Variants in ZNF723 observed in about 807,000 individuals in gnomAD.
The protein encoded by ZNF723 is zinc finger protein 723, also known as zinc finger protein 723, pseudogene.
ZNF723 carries 5 observed loss-of-function variants against 9.4 expected under a neutral mutation model. The ratio of observed to expected loss-of-function variants is 0.53; its 90% confidence interval spans 0.28 to 1.12. The LOEUF (loss-of-function observed/expected upper bound fraction) is 1.12. ZNF723 is among the 50% of genes most tolerant of loss of function. The pLI, the probability that ZNF723 is intolerant of heterozygous loss-of-function variation, is 0.10. For missense variants in ZNF723, 450 were observed against 501.5 expected (o/e 0.90, Z 0.98); for synonymous variants, 158 against 168.8 (o/e 0.94, Z 0.49).
chr19:22,847,721 A>C (rs776862547), intron 1 of ZNF723, among the ~76,000 whole-genome samples: 1 of 152,174 alleles, frequency 6.6e-6, no homozygotes, highest in Non-Finnish European at 1.5e-5. Context: ...TATCCAGAAA[A>C]GTATCATATA....
At chr19:22,845,175 T>A (rs1967292757) in intron 1 of ZNF723, among the ~76,000 whole-genome samples, 1 of 152,144 alleles carries the variant, frequency 6.6e-6, no homozygotes, top group African/African-American at 2.4e-5. Flanking sequence ...TCACATTACA[T>A]AAAGAGGGAC....
chr19:22,852,414 A>T lies in ZNF723; in HGVS notation c.226+3121A>T, dbSNP rs1283125235. On this transcript the variant is annotated intron_variant, in intron 3 of 3. Transcript: ENST00000600766. ...AAAATCAAATATTAGTCTTTCATTCATATATCTGTTTCCAATATAGTTATG... is the reference window on the plus strand; with the variant it reads ...AAAATCAAATATTAGTCTTTCATTCTTATATCTGTTTCCAATATAGTTATG... Among the ~76,000 whole-genome samples, 3 of 152,172 alleles carry T rather than the reference A, an allele frequency of 2.0e-5. No homozygotes were observed. In the East Asian group the frequency reaches 5.8e-4, roughly 29 times the overall value.
chr19:22,832,705 G>A (rs754871636), intron 1 of ZNF723, among the ~76,000 whole-genome samples: 2 of 152,336 alleles, frequency 1.3e-5, no homozygotes, highest in Non-Finnish European at 2.9e-5. Context: ...CCTGACTCGG[G>A]TGAGGAGTTC....
chr19:22,842,002 TTTGTTG>T (rs59309724), intron 1 of ZNF723, among the ~76,000 whole-genome samples: 3 of 151,818 alleles, frequency 2.0e-5, no homozygotes, highest in Non-Finnish European at 2.9e-5. Context: ...TGAACTATGT[TTTGTTG>T]TTGTTGTTGT....
At position 22,832,341 on chromosome 19, in the gene ZNF723, T is replaced by C. The variant is rs1967108145; in HGVS notation, c.-39T>C. On this transcript the variant is annotated 5_prime_UTR_variant, in exon 1 of 4. Coordinates refer to ENST00000600766, the MANE Select transcript of ZNF723 (RefSeq NM_001349726.2). ...CTCCTGACCTACATGCATTGGGAGATCCACAGCTAAGACGCCAGGACTCCC... is the reference window on the plus strand; with the variant it reads ...CTCCTGACCTACATGCATTGGGAGACCCACAGCTAAGACGCCAGGACTCCC... 1 of 1,382,806 alleles carries C rather than the reference T, an allele frequency of 7.2e-7. No individual in the cohort carries two copies. The highest frequency in any genetic ancestry group is 1.7e-5 in the Admixed American group (1 of 57,506). The allele number at this position is 1,382,806 out of a possible 1,614,324, so 85.7% of individuals were successfully genotyped here.
intron 1 of ZNF723, among the ~76,000 whole-genome samples, chr19:22,835,472 G>A (rs536876320): frequency 1.3e-5 from 2 of 152,244 alleles, no homozygotes; most frequent in East Asian, 3.9e-4. Context: ...TAAAAGAGGT[G>A]AGTTTCAAAA....
chr19:22,831,255 T>G (rs528022645), upstream of ZNF723, among the ~76,000 whole-genome samples: 2 of 152,198 alleles, frequency 1.3e-5, no homozygotes, highest in Non-Finnish European at 2.9e-5. Flanking sequence ...ACTACCTTTT[T>G]CTTTTTAAAG....
upstream of ZNF723, chr19:22,832,247 C>A: frequency 2.0e-6 from 2 of 1,000,336 alleles, no homozygotes; most frequent in Non-Finnish European, 2.9e-6. Flanking sequence ...CCAATCAGAC[C>A]CGCAGCTAGA....
At chr19:22,815,308 G>A in the ZNF723 span, among the ~76,000 whole-genome samples, 1 of 151,992 alleles carries the variant, frequency 6.6e-6, no homozygotes, top group South Asian at 2.1e-4. Flanking sequence ...TTCCTCTTTT[G>A]CCTGCATCCT....
chr19:22,812,766 CT>C, the ZNF723 span, among the ~76,000 whole-genome samples: 1 of 152,104 alleles, frequency 6.6e-6, no homozygotes, highest in Admixed American at 6.6e-5. Context: ...ACGAAATTGA[CT>C]CTTATATGTA....
intron 3 of ZNF723, among the ~76,000 whole-genome samples, chr19:22,854,420 T>A (rs1451756158): frequency 6.6e-6 from 1 of 152,196 alleles, no homozygotes; most frequent in Non-Finnish European, 1.5e-5. Context: ...GAAAGTAAGT[T>A]GGATTTTGGG....
intron 1 of ZNF723, among the ~76,000 whole-genome samples, chr19:22,834,072 C>T (rs1284949224): frequency 4.0e-5 from 6 of 151,626 alleles, no homozygotes; most frequent in Admixed American, 6.6e-5. Flanking sequence ...TACACCACCA[C>T]GCCCGGCTAA....
In ZNF723 at chr19:22,832,329, T is replaced by C. The variant is rs1967107926; in HGVS notation, c.-51T>C. 2.9e-6 allele frequency: 4 copies of C among 1,371,970 alleles called. No homozygotes were observed. The highest frequency in any genetic ancestry group is 5.3e-5 in the East Asian group (2 of 37,454). 85.0% of individuals were successfully genotyped at this position (1,371,970 alleles called of 1,614,324 possible). On this transcript the variant is annotated 5_prime_UTR_variant, in exon 1 of 4. An upstream start codon of the reference 5' UTR is lost. Transcript: ENST00000600766. ...GGTCTCTGTGGCCTCCTGACCTACA[T>C]GCATTGGGAGATCCACAGCTAAGAC...
upstream of ZNF723, among the ~76,000 whole-genome samples, chr19:22,830,309 A>C (rs532456475): frequency 6.6e-6 from 1 of 152,306 alleles, no homozygotes; most frequent in South Asian, 2.1e-4. Flanking sequence ...GACTACAGGC[A>C]GGCAACATCA....
At chr19:22,814,313 A>G in the ZNF723 span, among the ~76,000 whole-genome samples, 1 of 152,234 alleles carries the variant, frequency 6.6e-6, no homozygotes, top group Non-Finnish European at 1.5e-5. Context: ...AGAGTGACGT[A>G]ATAGGGCCAA....
intron 1 of ZNF723, among the ~76,000 whole-genome samples, chr19:22,832,643 C>G (rs1051553943): frequency 6.6e-6 from 1 of 152,138 alleles, no homozygotes; most frequent in Non-Finnish European, 1.5e-5. Flanking sequence ...CCCGCAGCGC[C>G]GAGTCTCTCC....
the ZNF723 span, among the ~76,000 whole-genome samples, chr19:22,817,201 C>G: frequency 6.6e-6 from 1 of 152,206 alleles, no homozygotes; most frequent in African/African-American, 2.4e-5. Flanking sequence ...GGTGATGTGA[C>G]TATCTTCTTC....
chr19:22,858,206 A>G lies in ZNF723; in HGVS notation c.1315A>G (p.Thr439Ala). The change falls in exon 4 of 4, where the codon ACC (threonine) becomes GCC (alanine). Residue 439 changes from threonine (T) to alanine (A), a missense_variant. Thr to Ala is a moderately conservative substitution (Grantham distance 58). Coordinates refer to ENST00000600766, the MANE Select transcript of ZNF723 (RefSeq NM_001349726.2). ...QCGKGFSQSS[T>A]LTKHKIIHTK... Reference sequence around the variant, plus strand: ...TGGTAAAGGTTTTAGCCAATCCTCAACCCTTACTAAACATAAGATAATTCA... The same window carrying G: ...TGGTAAAGGTTTTAGCCAATCCTCAGCCCTTACTAAACATAAGATAATTCA... 7.3e-7 allele frequency: 1 copy of G among 1,371,048 alleles called. No homozygotes were observed. The highest frequency in any genetic ancestry group is 1.0e-6 in the Non-Finnish European group (1 of 963,970). The allele number at this position is 1,371,048 out of a possible 1,614,324, so 84.9% of individuals were successfully genotyped here.
chr19:22,818,129 C>G, the ZNF723 span, among the ~76,000 whole-genome samples: 1 of 152,150 alleles, frequency 6.6e-6, no homozygotes, highest in Non-Finnish European at 1.5e-5. Flanking sequence ...GATGATGACT[C>G]TCATACCTGG....
Sources: allele counts gnomAD v4.1 joint callset (sites outside exome capture counted in the v4.1 genomes callset), GRCh38; gene constraint gnomAD v4.1.1; transcripts MANE v1.5; gene names NCBI Gene and HGNC (gene_info 2026-07-23, HGNC 2026-07-21).